Variants in TBCD observed in about 807,000 individuals in gnomAD.
TBCD encodes the protein tubulin-specific chaperone D.
TBCD carries 105 observed loss-of-function variants against 169.3 expected under a neutral mutation model. The observed-to-expected ratio is 0.62, with a 90% CI of 0.53 to 0.73. The LOEUF (loss-of-function observed/expected upper bound fraction) is 0.73. Ranked by LOEUF, TBCD falls within the 30% of genes least tolerant of loss-of-function variation. TBCD has a pLI of 0.00. For missense variants in TBCD, 1,444 were observed against 1,600.1 expected, an observed-to-expected ratio of 0.90 and a Z score of 1.66; for synonymous variants, 700 against 643.9, an observed-to-expected ratio of 1.09 and a Z score of -1.32.
intron 13 of TBCD, among the ~76,000 whole-genome samples, chr17:82,823,255 C>A (rs369757431): frequency 6.6e-6 from 1 of 152,212 alleles, no homozygotes; most frequent in African/African-American, 2.4e-5. Flanking sequence ...CCTGCTGCCC[C>A]CTGCAGGCCT....
intron 34 of TBCD, among the ~76,000 whole-genome samples, chr17:82,934,906 C>T (rs2062490897): frequency 6.6e-6 from 1 of 152,120 alleles, no homozygotes; most frequent in Non-Finnish European, 1.5e-5. Flanking sequence ...TGAGACCAGC[C>T]TGGCCAACTT....
In TBCD at chr17:82,937,307, G is replaced by A; in HGVS notation, c.3228G>A (p.Lys1076=). 6.2e-7 allele frequency: 1 copy of A among 1,614,040 alleles called. No homozygotes were observed. Among genetic ancestry groups the A allele is most frequent in the Non-Finnish European group, 8.5e-7 (1 of 1,179,882 alleles). The change falls in exon 35 of 39, where the codon AAG becomes AAA. Residue 1076 remains lysine, a synonymous_variant. Coordinates refer to ENST00000355528, the MANE Select transcript of TBCD (RefSeq NM_005993.5). ...CTGTGAAGTTGCTTGCGCTCTGTAAGAAAGAAATCAAGAATTCAAAAGATA... is the reference window on the plus strand; with the variant it reads ...CTGTGAAGTTGCTTGCGCTCTGTAAAAAAGAAATCAAGAATTCAAAAGATA... ...PFAVKLLALC[K]KEIKNSKDIQ...
At chr17:82,905,582 CCT>C (rs2060190901) in intron 19 of TBCD, among the ~76,000 whole-genome samples, 1 of 55,872 alleles carries the variant, frequency 1.8e-5, no homozygotes, top group East Asian at 3.7e-4. Flanking sequence ...CCCTCCCGGC[CCT>C]GTGTGGGTGC....
At chr17:82,942,302 C>A in intron 38 of TBCD, 147 bp from the exon 39 acceptor site, 1 of 1,152,232 alleles carries the variant, frequency 8.7e-7, no homozygotes, top group Non-Finnish European at 1.2e-6. Context: ...ATAGCTCAGG[C>A]TGCCGGGTGT....
At chr17:82,821,874 A>G (rs964761527) in intron 13 of TBCD, among the ~76,000 whole-genome samples, 12 of 152,210 alleles carry the variant, frequency 7.9e-5, no homozygotes, top group Non-Finnish European at 1.2e-4. Context: ...AAATTTTTAA[A>G]TGTATAATAC....
chr17:82,913,008 T>C (rs78483419), intron 23 of TBCD: 19,175 of 152,336 alleles, frequency 0.13, 1,545 homozygotes, highest in Non-Finnish European at 0.18. Context: ...GTTTTGGATG[T>C]AGACTTGGTC....
intron 11 of TBCD, 134 bp from the exon 12 acceptor site, chr17:82,809,574 C>T (rs2051277978): frequency 1.1e-6 from 1 of 908,260 alleles, no homozygotes; most frequent in African/African-American, 1.6e-5. Flanking sequence ...AGGGTGCGGG[C>T]TTGCCTGGAG....
chr17:82,931,416 C>T (rs1314442205), intron 33 of TBCD, among the ~76,000 whole-genome samples: 1 of 152,262 alleles, frequency 6.6e-6, no homozygotes, highest in African/African-American at 2.4e-5. Context: ...CCCTTCGAGT[C>T]CGTGCCCCTG....
At position 82,783,608 on chromosome 17, in the gene TBCD, C is replaced by T. The variant is rs115932561; in HGVS notation, c.771+1887C>T. 1.8e-3 allele frequency among the ~76,000 whole-genome samples: 276 copies of T among 152,322 alleles called. 1 individual carries two copies. Among genetic ancestry groups the T allele is most frequent in the African/African-American group, 5.4e-3 (226 of 41,562 alleles). On this transcript the variant is annotated intron_variant, in intron 7 of 38. Coordinates refer to ENST00000355528, the MANE Select transcript of TBCD (RefSeq NM_005993.5). ...CACCTCACCAGAGTCGTACACGACA[C>T]AGCCTTTTGCGTCTGGCCTTCACTG...
At chr17:82,847,690 T>G (rs1034589022) in intron 13 of TBCD, among the ~76,000 whole-genome samples, 1 of 152,110 alleles carries the variant, frequency 6.6e-6, no homozygotes, top group African/African-American at 2.4e-5. Context: ...CAGGCTGGAG[T>G]GCAGTAGTGC....
At chr17:82,904,292 G>A (rs896044028) in intron 19 of TBCD, among the ~76,000 whole-genome samples, 1 of 147,388 alleles carries the variant, frequency 6.8e-6, no homozygotes, top group South Asian at 2.3e-4. Flanking sequence ...TCTGCCACAC[G>A]ACACTCCCTG....
chr17:82,870,120 C>A, intron 13 of TBCD, 104 bp from the exon 14 acceptor site: 1 of 1,509,206 alleles, frequency 6.6e-7, no homozygotes, highest in Non-Finnish European at 9.0e-7. Context: ...CCTCACTCAT[C>A]TGGCACCGTG....
In TBCD at chr17:82,831,525, T is replaced by G; in HGVS notation, c.1318+16591T>G. 2 of 1,614,062 alleles carry G rather than the reference T, an allele frequency of 1.2e-6. No homozygotes were observed. Among genetic ancestry groups the G allele is most frequent in the Non-Finnish European group, 1.7e-6 (2 of 1,179,998 alleles). ...AAGGAATCGGCAGGTTAGAGGGATA[T>G]TGCTGGAAAAACCTGTAGTGATCGT... On this transcript the variant is annotated intron_variant, in intron 13 of 38. Coordinates refer to ENST00000355528, the MANE Select transcript of TBCD (RefSeq NM_005993.5). This position sits in a 1 kb window ranked among gnomAD's most constrained non-coding sequence, Gnocchi z 4.6.
At chr17:82,812,493 C>T (rs991044463) in intron 12 of TBCD, among the ~76,000 whole-genome samples, 23 of 152,220 alleles carry the variant, frequency 1.5e-4, no homozygotes, top group Non-Finnish European at 2.2e-4. Flanking sequence ...CTGGGGCACC[C>T]GTTTCGCATC....
chr17:82,797,612 C>T (rs1256064557), intron 7 of TBCD, 145 bp from the exon 8 acceptor site: 2 of 647,874 alleles, frequency 3.1e-6, no homozygotes, highest in African/African-American at 3.7e-5. Context: ...TTATCATGTA[C>T]AGAAACTGTT....
chr17:82,776,086 G>T (rs1228311950), intron 6 of TBCD, among the ~76,000 whole-genome samples: 2 of 152,108 alleles, frequency 1.3e-5, no homozygotes, highest in Non-Finnish European at 2.9e-5. Flanking sequence ...GGGCATGGTG[G>T]TGCGTGCCTC....
intron 4 of TBCD, among the ~76,000 whole-genome samples, chr17:82,767,299 G>A (rs1378776123): frequency 1.3e-5 from 2 of 152,170 alleles, no homozygotes. Flanking sequence ...TTTCCCTGCT[G>A]CCCTGCACTC....
At chr17:82,808,098 G>A (rs186345694) in intron 11 of TBCD, among the ~76,000 whole-genome samples, 30 of 152,238 alleles carry the variant, frequency 2.0e-4, no homozygotes, top group African/African-American at 6.5e-4. Flanking sequence ...TGTGGGAGTC[G>A]ACATGCACCC....
intron 7 of TBCD, among the ~76,000 whole-genome samples, chr17:82,785,932 C>T (rs1179988273): frequency 6.6e-6 from 1 of 152,194 alleles, no homozygotes; most frequent in African/African-American, 2.4e-5. Context: ...TGACTGGGAC[C>T]ACCTGGCCTG....
Sources: gnomAD v4.1 joint callset for allele counts (sites outside exome capture counted in the v4.1 genomes callset) on GRCh38, gnomAD v4.1.1 for gene constraint, Gnocchi (gnomAD v3.1) non-coding constraint, MANE v1.5 for transcripts, NCBI Gene and HGNC (gene_info 2026-07-23, HGNC 2026-07-21) for gene names.